Variants in PLCB1 observed in about 807,000 individuals in gnomAD.
The protein encoded by PLCB1 is 1-phosphatidylinositol 4,5-bisphosphate phosphodiesterase beta-1.
Under a neutral mutation model 161.8 loss-of-function variants are expected in PLCB1, and 46 were observed. That is an observed-to-expected ratio of 0.28 (90% confidence interval 0.22 to 0.36). The LOEUF is 0.36. Ranked by LOEUF, PLCB1 falls within the 10% of genes least tolerant of loss-of-function variation. The pLI is 1.00. For synonymous variants in PLCB1, 517 were observed against 503.7 expected (o/e 1.03, Z -0.35); for missense variants, 1,016 against 1,472.5 (o/e 0.69, Z 5.07).
chr20:8,596,076 CT>C (rs1443218917), intron 3 of PLCB1, among the ~76,000 whole-genome samples: 1 of 151,414 alleles, frequency 6.6e-6, no homozygotes, highest in Non-Finnish European at 1.5e-5. Flanking sequence ...ATGGTAGTTT[CT>C]TTTGCTGTGC....
chr20:8,566,887 C>T (rs954877205), intron 3 of PLCB1, among the ~76,000 whole-genome samples: 2 of 151,030 alleles, frequency 1.3e-5, no homozygotes, highest in Non-Finnish European at 2.9e-5. Flanking sequence ...ACCCTACTGG[C>T]AAAAGAATAT....
chr20:8,414,378 A>C (rs1979180682), intron 3 of PLCB1, among the ~76,000 whole-genome samples: 1 of 152,242 alleles, frequency 6.6e-6, no homozygotes, highest in Non-Finnish European at 1.5e-5. Context: ...AAAAACTTGG[A>C]AATAAGATTT....
chr20:8,870,583 A>T, intron 31 of PLCB1, among the ~76,000 whole-genome samples: 1 of 152,180 alleles, frequency 6.6e-6, no homozygotes. Context: ...TTTAAAAAGG[A>T]AATGCATGTT....
chr20:8,158,548 G>T (rs1344915178), intron 2 of PLCB1, among the ~76,000 whole-genome samples: 1 of 152,086 alleles, frequency 6.6e-6, no homozygotes, highest in African/African-American at 2.4e-5. Flanking sequence ...AACAAATCAT[G>T]CCTTTCCAAC....
At chr20:8,731,883 AAG>A (rs11472990) in intron 18 of PLCB1, among the ~76,000 whole-genome samples, 1 of 151,586 alleles carries the variant, frequency 6.6e-6, no homozygotes, top group South Asian at 2.1e-4. Flanking sequence ...ATAGTTTAAT[AAG>A]AGAAAATTTC....
At chr20:8,558,036 G>A (rs968057268) in intron 3 of PLCB1, among the ~76,000 whole-genome samples, 6 of 151,700 alleles carry the variant, frequency 4.0e-5, no homozygotes, top group African/African-American at 1.5e-4. Flanking sequence ...GTAGGGAGGT[G>A]GAGGGGGAAG....
intron 2 of PLCB1, among the ~76,000 whole-genome samples, chr20:8,270,039 G>T (rs1362549886): frequency 6.6e-6 from 1 of 152,054 alleles, no homozygotes; most frequent in East Asian, 1.9e-4. Flanking sequence ...CTGTGTTTTG[G>T]GTTAGTCCAG....
intron 4 of PLCB1, among the ~76,000 whole-genome samples, chr20:8,638,188 C>G (rs890965804): frequency 3.9e-5 from 6 of 152,240 alleles, no homozygotes; most frequent in African/African-American, 1.4e-4. Context: ...GCCACCGCAC[C>G]CAGCCAAAAA....
At chr20:8,441,915 GATAA>G (rs1459634466) in intron 3 of PLCB1, among the ~76,000 whole-genome samples, 2 of 152,114 alleles carry the variant, frequency 1.3e-5, no homozygotes, top group Non-Finnish European at 2.9e-5. Flanking sequence ...ATTGTATCAA[GATAA>G]ATAAATATAG....
chr20:8,224,544 G>T lies in PLCB1; in HGVS notation c.177+74173G>T, dbSNP rs1176203971. On this transcript the variant is annotated intron_variant, in intron 2 of 31. Transcript: ENST00000338037. ...AAATGCATAAACCATAAATGTTAATGAATTTAATAGTAATAGACACCTATG... is the reference window on the plus strand; with the variant it reads ...AAATGCATAAACCATAAATGTTAATTAATTTAATAGTAATAGACACCTATG... 2.0e-5 allele frequency among the ~76,000 whole-genome samples: 3 copies of T among 152,016 alleles called. No homozygotes were observed. In the East Asian group the frequency reaches 5.8e-4, roughly 29 times the overall value.
intron 3 of PLCB1, among the ~76,000 whole-genome samples, chr20:8,612,171 A>G (rs1320961181): frequency 1.3e-5 from 2 of 152,190 alleles, no homozygotes; most frequent in African/African-American, 4.8e-5. Flanking sequence ...ATTCATAAAC[A>G]TAACCCTGGT....
intron 31 of PLCB1, among the ~76,000 whole-genome samples, chr20:8,809,749 T>C (rs778693462): frequency 7.9e-5 from 12 of 152,236 alleles, no homozygotes; most frequent in Non-Finnish European, 1.6e-4. Context: ...AAGCTTTTTT[T>C]TCTGTTTCCT....
At chr20:8,485,434 G>A (rs1157028054) in intron 3 of PLCB1, among the ~76,000 whole-genome samples, 1 of 152,230 alleles carries the variant, frequency 6.6e-6, no homozygotes, top group Non-Finnish European at 1.5e-5. Flanking sequence ...AAAAGATAAT[G>A]TATTTAAATA....
At chr20:8,598,791 G>T (rs553373411) in intron 3 of PLCB1, among the ~76,000 whole-genome samples, 57 of 63,242 alleles carry the variant, frequency 9.0e-4, no homozygotes, top group African/African-American at 3.2e-3. Flanking sequence ...CTCCTGTATT[G>T]GGTGCATATA....
intron 12 of PLCB1, among the ~76,000 whole-genome samples, chr20:8,710,891 T>C (rs1048189168): frequency 2.0e-5 from 3 of 152,148 alleles, no homozygotes; most frequent in Non-Finnish European, 4.4e-5. Flanking sequence ...AGCTTCCCCT[T>C]GGCATAGCCA....
intron 31 of PLCB1, among the ~76,000 whole-genome samples, chr20:8,855,597 A>ATAC (rs1249719105): frequency 5.3e-5 from 8 of 152,364 alleles, no homozygotes; most frequent in African/African-American, 1.9e-4. Context: ...TGAAGAAAGA[A>ATAC]TACTCTTCAA....
At chr20:8,638,487 A>C (rs1258067315) in intron 4 of PLCB1, among the ~76,000 whole-genome samples, 1 of 152,126 alleles carries the variant, frequency 6.6e-6, no homozygotes, top group African/African-American at 2.4e-5. Flanking sequence ...AGTCAAGGAA[A>C]AACATTATAC....
At chr20:8,336,911 CT>C (rs531743080) in intron 2 of PLCB1, among the ~76,000 whole-genome samples, 2 of 151,576 alleles carry the variant, frequency 1.3e-5, no homozygotes, top group South Asian at 2.1e-4. Flanking sequence ...ATAATCTTTC[CT>C]TTTTTAATGT....
At chr20:8,342,657 C>T (rs1327351854) in intron 2 of PLCB1, among the ~76,000 whole-genome samples, 1 of 152,154 alleles carries the variant, frequency 6.6e-6, no homozygotes, top group Non-Finnish European at 1.5e-5. Flanking sequence ...AGCCAGTCTG[C>T]CTAGAAACCC....
Sources: allele counts gnomAD v4.1 joint callset (sites outside exome capture counted in the v4.1 genomes callset), GRCh38; gene constraint gnomAD v4.1.1; transcripts MANE v1.5; gene names NCBI Gene and HGNC (gene_info 2026-07-23, HGNC 2026-07-21).